The following RANBP2 variants were observed in gnomAD, a reference collection of about 807,000 sequenced individuals.
The protein encoded by RANBP2 is RAN binding protein 2, also known as E3 SUMO-protein ligase RanBP2.
RANBP2 carries 57 observed loss-of-function variants against 303.6 expected under a neutral mutation model. The ratio of observed to expected loss-of-function variants is 0.19; its 90% CI spans 0.15 to 0.23. The LOEUF is 0.23. Ranked by LOEUF, RANBP2 falls within the 10% of genes least tolerant of loss-of-function variation. The pLI is 1.00. For synonymous variants in RANBP2, 1,167 were observed against 1,301.5 expected, an observed-to-expected ratio of 0.90 and a Z score of 2.23; for missense variants, 3,138 against 3,780.8, an observed-to-expected ratio of 0.83 and a Z score of 4.46.
the RANBP2 span, among the ~76,000 whole-genome samples, chr2:108,937,685 T>C: frequency 0.018 from 2,767 of 151,958 alleles, 88 homozygotes; most frequent in African/African-American, 0.063. Context: ...TAAGTGTATG[T>C]GATGTGTATG....
the RANBP2 span, among the ~76,000 whole-genome samples, chr2:109,799,163 C>T: frequency 5.9e-5 from 4 of 67,314 alleles, no homozygotes; most frequent in East Asian, 1.4e-3. Context: ...AGCTTGTACC[C>T]GGGACGCAGA....
At chr2:109,425,259 G>A in the RANBP2 span, among the ~76,000 whole-genome samples, 6 of 152,376 alleles carry the variant, frequency 3.9e-5, no homozygotes, top group Middle Eastern at 3.4e-3. Flanking sequence ...AAAGAAAGAA[G>A]CCATCTCTGC....
At chr2:109,121,428 GA>G in the RANBP2 span, among the ~76,000 whole-genome samples, 1 of 152,140 alleles carries the variant, frequency 6.6e-6, no homozygotes, top group African/African-American at 2.4e-5. Context: ...CAATTACCTA[GA>G]AAAAATACCT....
the RANBP2 span, among the ~76,000 whole-genome samples, chr2:109,161,599 A>G: frequency 2.0e-5 from 3 of 151,886 alleles, no homozygotes; most frequent in Non-Finnish European, 2.9e-5. Flanking sequence ...TTGGGTCACA[A>G]TTCTGCTGAC....
At chr2:108,981,151 C>A in the RANBP2 span, among the ~76,000 whole-genome samples, 492 of 152,292 alleles carry the variant, frequency 3.2e-3, no homozygotes, top group Non-Finnish European at 5.2e-3. Flanking sequence ...TGTGACCTTC[C>A]CTCGGGGAAC....
the RANBP2 span, among the ~76,000 whole-genome samples, chr2:109,149,342 C>T: frequency 1.3e-5 from 2 of 152,192 alleles, no homozygotes; most frequent in Non-Finnish European, 2.9e-5. Flanking sequence ...CTCCTCTACT[C>T]CATTTAATCA....
chr2:109,005,929 G>A, the RANBP2 span, among the ~76,000 whole-genome samples: 1 of 152,230 alleles, frequency 6.6e-6, no homozygotes, highest in African/African-American at 2.4e-5. Context: ...GGGCTTCGGA[G>A]TCGTGGAGCT....
chr2:109,121,652 T>G, the RANBP2 span, among the ~76,000 whole-genome samples: 1 of 152,210 alleles, frequency 6.6e-6, no homozygotes, highest in Non-Finnish European at 1.5e-5. Flanking sequence ...CCCGATCCTC[T>G]GTCCTCTGCT....
the RANBP2 span, among the ~76,000 whole-genome samples, chr2:109,082,104 C>G: frequency 2.6e-5 from 4 of 152,156 alleles, no homozygotes; most frequent in Admixed American, 6.5e-5. Flanking sequence ...TCAGCTGCCT[C>G]CAGAATCCAT....
chr2:108,757,893 T>A (rs367713753), intron 17 of RANBP2, among the ~76,000 whole-genome samples: 6 of 152,262 alleles, frequency 3.9e-5, no homozygotes, highest in East Asian at 3.9e-4. Flanking sequence ...TAAATTAGGT[T>A]TTGTATTAAT....
chr2:109,257,441 G>A, the RANBP2 span, among the ~76,000 whole-genome samples: 1 of 152,026 alleles, frequency 6.6e-6, no homozygotes, highest in East Asian at 1.9e-4. Context: ...GGGACGGAGG[G>A]AGGGAGGAAG....
the RANBP2 span, among the ~76,000 whole-genome samples, chr2:109,627,573 C>T: frequency 6.6e-6 from 1 of 152,178 alleles, no homozygotes; most frequent in Non-Finnish European, 1.5e-5. Context: ...GATGATTTTT[C>T]ATAAACTAAA....
At chr2:109,417,298 A>T in the RANBP2 span, among the ~76,000 whole-genome samples, 3 of 152,064 alleles carry the variant, frequency 2.0e-5, no homozygotes, top group African/African-American at 7.2e-5. Context: ...ACCTCCATGG[A>T]TGGTGACTCA....
At chr2:108,940,611 G>A in the RANBP2 span, among the ~76,000 whole-genome samples, 4 of 152,372 alleles carry the variant, frequency 2.6e-5, no homozygotes, top group Admixed American at 1.3e-4. Context: ...ATCCAGTGCC[G>A]TCGTCACACA....
the RANBP2 span, among the ~76,000 whole-genome samples, chr2:108,881,011 C>G: frequency 6.6e-6 from 1 of 152,160 alleles, no homozygotes; most frequent in Non-Finnish European, 1.5e-5. Flanking sequence ...TCACGAATGA[C>G]TTTGAGGGGT....
chr2:109,621,409 C>T, the RANBP2 span, among the ~76,000 whole-genome samples: 1 of 152,078 alleles, frequency 6.6e-6, no homozygotes, highest in Non-Finnish European at 1.5e-5. Flanking sequence ...CCTCGGCTTC[C>T]TAAAAGTGCT....
the RANBP2 span, among the ~76,000 whole-genome samples, chr2:109,045,335 T>A: frequency 1.2e-4 from 19 of 152,196 alleles, no homozygotes; most frequent in Non-Finnish European, 5.9e-5. Context: ...CAACAGGGAT[T>A]ATATCTTGCA....
the RANBP2 span, among the ~76,000 whole-genome samples, chr2:109,536,329 A>C: frequency 6.6e-6 from 1 of 152,156 alleles, no homozygotes; most frequent in Non-Finnish European, 1.5e-5. Flanking sequence ...ATGGGAACCC[A>C]CCTCTTGCAT....
the RANBP2 span, among the ~76,000 whole-genome samples, chr2:109,217,571 A>G: frequency 6.6e-6 from 1 of 152,186 alleles, no homozygotes; most frequent in Non-Finnish European, 1.5e-5. Flanking sequence ...ATTTTTCTCT[A>G]CCAGGACCTA....
Sources: allele counts gnomAD v4.1 joint callset (sites outside exome capture counted in the v4.1 genomes callset), GRCh38; gene constraint gnomAD v4.1.1; transcripts MANE v1.5; gene names NCBI Gene and HGNC (gene_info 2026-07-23, HGNC 2026-07-21).